GPAT3: variants seen among roughly 807,000 people sequenced by gnomAD.
GPAT3 encodes the protein glycerol-3-phosphate acyltransferase 3.
Under a neutral mutation model 58.8 loss-of-function variants are expected in GPAT3, and 53 were observed. The observed-to-expected ratio is 0.90, with a 90% CI of 0.72 to 1.13. The LOEUF (loss-of-function observed/expected upper bound fraction) is 1.13. Among genes scored for constraint, GPAT3 ranks in the 50% most tolerant of loss-of-function variants. The probability of loss-of-function intolerance (pLI) is 0.00; values close to 1 mark genes in which losing one functional copy is unlikely to be tolerated. For synonymous variants in GPAT3, 197 were observed against 187.4 expected (o/e 1.05, Z -0.42); for missense variants, 511 against 527.6 (o/e 0.97, Z 0.31).
In GPAT3 at chr4:83,605,810, G is replaced by C. The variant is rs1727233196; in HGVS notation, c.*1043G>C. On this transcript the variant is annotated 3_prime_UTR_variant, in exon 12 of 12. Coordinates refer to ENST00000264409, the MANE Select transcript of GPAT3 (RefSeq NM_032717.5). ...GTAAACTACTGAGAGTATTGTATCTGTTCTGGTAACCATGTACAGAATGTG... is the reference window on the plus strand; with the variant it reads ...GTAAACTACTGAGAGTATTGTATCTCTTCTGGTAACCATGTACAGAATGTG... 6.6e-6 allele frequency: 1 copy of C among 152,468 alleles called. No homozygotes were observed. The highest frequency in any genetic ancestry group is 1.5e-5 in the Non-Finnish European group (1 of 68,010). 9.4% of individuals were successfully genotyped at this position (152,468 alleles called of 1,614,324 possible).
At position 83,598,661 on chromosome 4, in the gene GPAT3, C is replaced by G. The variant is rs147489062; in HGVS notation, c.1143C>G (p.Val381=). 6.3e-7 allele frequency: 1 copy of G among 1,589,156 alleles called. No homozygotes were observed. Among genetic ancestry groups the G allele is most frequent in the East Asian group, 2.3e-5 (1 of 43,214 alleles). ...TAAACCAGGAAGGAGAAGATGCAGT[C>G]CAGTTTGCTAACAGGGTTAAGTCTG... is the stretch of plus-strand genomic sequence containing the variant. ...PMTREEGEDA[V]QFANRVKSAI... is the part of the protein sequence containing the mutation. The change falls in exon 11 of 12, where the codon GTC becomes GTG. Residue 381 remains valine, a synonymous_variant. Transcript: ENST00000264409.
At chr4:83,596,313 G>A (rs144284508) in intron 7 of GPAT3, among the ~76,000 whole-genome samples, 6 of 152,208 alleles carry the variant, frequency 3.9e-5, no homozygotes, top group African/African-American at 1.4e-4. Context: ...AAGAATAGGC[G>A]AAGACACTGA....
chr4:83,602,113 G>T (rs1002422691), intron 11 of GPAT3, among the ~76,000 whole-genome samples: 21 of 152,216 alleles, frequency 1.4e-4, no homozygotes, highest in African/African-American at 5.1e-4. Context: ...ATGGTCATAC[G>T]TGCAACTGGG....
chr4:83,579,179 TTTC>T lies in GPAT3; in HGVS notation c.209-2380_209-2378del, dbSNP rs1162697816. ...TCTTTCTCTCTTTCTCTTTCTTTCC[TTTC>T]TTAATTTTTATTTCTTTCTCTCTCT... On this transcript the variant is annotated intron_variant, in intron 2 of 11. Coordinates refer to ENST00000264409, the MANE Select transcript of GPAT3 (RefSeq NM_032717.5). Among the ~76,000 whole-genome samples the T allele has an allele frequency of 1.2e-3, 167 of 144,370 alleles. 2 individuals carry two copies. The highest frequency in any genetic ancestry group is 4.0e-3 in the African/African-American group (155 of 38,708). 94.7% of individuals were successfully genotyped at this position (144,370 alleles called of 152,430 possible).
intron 2 of GPAT3, among the ~76,000 whole-genome samples, chr4:83,562,206 ATATAT>A (rs1294601123): frequency 1.2e-3 from 39 of 32,474 alleles, no homozygotes; most frequent in African/African-American, 8.4e-3. Context: ...TATAATATAT[ATATAT>A]TATATATATA....
chr4:83,569,358 T>A lies in GPAT3; in HGVS notation c.209-12204T>A, dbSNP rs182791143. ...TTGAACTGAAACCTGGAGTGATGAC[T>A]GAGAAGAATATAGCAGGGCTGCTTG... On this transcript the variant is annotated intron_variant, in intron 2 of 11. Coordinates refer to ENST00000264409, the MANE Select transcript of GPAT3 (RefSeq NM_032717.5). Among the ~76,000 whole-genome samples, 88 of 152,294 alleles carry A rather than the reference T, an allele frequency of 5.8e-4. 1 individual carries two copies. Among genetic ancestry groups the A allele is most frequent in the Non-Finnish European group, 2.9e-5 (2 of 68,016 alleles).
At chr4:83,558,145 C>T (rs1353626785) in intron 2 of GPAT3, among the ~76,000 whole-genome samples, 4 of 151,620 alleles carry the variant, frequency 2.6e-5, no homozygotes, top group Non-Finnish European at 5.9e-5. Context: ...ATTGGGGAGG[C>T]GGAGGTTGCA....
At chr4:83,562,434 G>A (rs966144574) in intron 2 of GPAT3, among the ~76,000 whole-genome samples, 1 of 150,986 alleles carries the variant, frequency 6.6e-6, no homozygotes, top group African/African-American at 2.4e-5. Flanking sequence ...TTTATGAGTG[G>A]CATTAGACAG....
At chr4:83,570,106 A>G (rs1482262878) in intron 2 of GPAT3, among the ~76,000 whole-genome samples, 1 of 152,186 alleles carries the variant, frequency 6.6e-6, no homozygotes, top group Non-Finnish European at 1.5e-5. Context: ...GTGGGCAGGT[A>G]TTGGTTAGAG....
At chr4:83,593,998 G>A (rs189370907) in intron 6 of GPAT3, among the ~76,000 whole-genome samples, 129 of 152,160 alleles carry the variant, frequency 8.5e-4, no homozygotes, top group African/African-American at 3.1e-3. Context: ...TCCTACTCTT[G>A]TAGGTTCATT....
chr4:83,585,872 A>G (rs932979721), intron 3 of GPAT3, among the ~76,000 whole-genome samples: 1 of 152,128 alleles, frequency 6.6e-6, no homozygotes, highest in Admixed American at 6.6e-5. Context: ...TAGCCGTGAG[A>G]CACTGCTTAT....
At chr4:83,565,376 C>T (rs545218884) in intron 2 of GPAT3, among the ~76,000 whole-genome samples, 2 of 152,316 alleles carry the variant, frequency 1.3e-5, no homozygotes, top group South Asian at 4.1e-4. Flanking sequence ...GCTGGGGTTA[C>T]AGGTGTGAGC....
chr4:83,591,541 A>T (rs1054141877), intron 6 of GPAT3, among the ~76,000 whole-genome samples: 21 of 152,344 alleles, frequency 1.4e-4, no homozygotes, highest in African/African-American at 5.0e-4. Flanking sequence ...TAAAGAAAAA[A>T]ACTAACCATA....
intron 2 of GPAT3, among the ~76,000 whole-genome samples, chr4:83,563,007 T>C (rs1346494381): frequency 6.6e-6 from 1 of 152,192 alleles, no homozygotes; most frequent in East Asian, 1.9e-4. Context: ...GGGAGATTAT[T>C]AGGGACTTCT....
chr4:83,553,491 G>A (rs1332749833), intron 2 of GPAT3, among the ~76,000 whole-genome samples: 2 of 152,168 alleles, frequency 1.3e-5, no homozygotes, highest in Non-Finnish European at 2.9e-5. Context: ...GACTGCTGAA[G>A]GTCTGGTTGG....
intron 6 of GPAT3, among the ~76,000 whole-genome samples, chr4:83,590,843 C>G (rs1404116353): frequency 6.6e-6 from 1 of 150,850 alleles, no homozygotes; most frequent in Non-Finnish European, 1.5e-5. Context: ...AACTGTACAT[C>G]TCAAAACAGC....
chr4:83,580,432 A>G (rs755616153), intron 2 of GPAT3, among the ~76,000 whole-genome samples: 1 of 152,222 alleles, frequency 6.6e-6, no homozygotes, highest in Non-Finnish European at 1.5e-5. Flanking sequence ...GTAATGAAGA[A>G]TGCTACAGTG....
intron 2 of GPAT3, among the ~76,000 whole-genome samples, chr4:83,551,740 C>A (rs949176118): frequency 1.4e-5 from 2 of 143,822 alleles, no homozygotes; most frequent in Non-Finnish European, 3.0e-5. Flanking sequence ...TGTAGTGAGC[C>A]GAGATTGCAC....
At chr4:83,573,224 C>T (rs1180261605) in intron 2 of GPAT3, among the ~76,000 whole-genome samples, 1 of 152,160 alleles carries the variant, frequency 6.6e-6, no homozygotes. Context: ...ACTGCAACCT[C>T]CTCTTCCTGT....
Sources: allele counts gnomAD v4.1 joint callset (sites outside exome capture counted in the v4.1 genomes callset), GRCh38; gene constraint gnomAD v4.1.1; transcripts MANE v1.5; gene names NCBI Gene and HGNC (gene_info 2026-07-23, HGNC 2026-07-21).